Variants in KRT8 observed in about 807,000 individuals in gnomAD.
The protein encoded by KRT8 is keratin 8.
KRT8 carries 24 observed loss-of-function variants against 43.0 expected under a neutral mutation model. That is an observed-to-expected ratio of 0.56 (90% CI 0.40 to 0.78). The LOEUF is 0.78. KRT8 is among the 30% of genes least tolerant of loss of function. KRT8 has a pLI of 0.00. For missense variants in KRT8, 492 were observed against 638.4 expected (o/e 0.77, Z 2.47); for synonymous variants, 214 against 261.2 (o/e 0.82, Z 1.74).
chr12:52,918,128 AAGG>A (rs1237849287), intron 2 of KRT8, among the ~76,000 whole-genome samples: 1 of 142,586 alleles, frequency 7.0e-6, no homozygotes, highest in Non-Finnish European at 1.5e-5. Flanking sequence ...GAGGAAGAAG[AAGG>A]AGGGGGAGAG....
chr12:52,923,032 G>C (rs991917780), intron 2 of KRT8, among the ~76,000 whole-genome samples: 31 of 152,246 alleles, frequency 2.0e-4, no homozygotes, highest in Admixed American at 1.8e-3. Flanking sequence ...CTGAGTGAGG[G>C]TTCCGTAGCC....
chr12:52,914,210 G>A (rs758490254), intron 2 of KRT8, among the ~76,000 whole-genome samples: 15 of 148,252 alleles, frequency 1.0e-4, no homozygotes, highest in East Asian at 4.1e-4. Context: ...GCGACAGAGC[G>A]AGACTCTGTC....
intron 2 of KRT8, chr12:52,947,858 A>G (rs1243421252): frequency 1.3e-5 from 2 of 151,776 alleles, no homozygotes; most frequent in South Asian, 2.1e-4. Flanking sequence ...GCGATGTGGG[A>G]CACATTATCA....
chr12:52,937,189 C>T lies in KRT8; in HGVS notation c.-47+12267G>A, dbSNP rs147883485. Reference sequence around the variant, plus strand: ...AGTTTGAGACCAACCTGGGCAACACCGTGAAACCCTGTCTCTACTGAAATA... The same window carrying T: ...AGTTTGAGACCAACCTGGGCAACACTGTGAAACCCTGTCTCTACTGAAATA... On this transcript the variant is annotated intron_variant, in intron 2 of 6. Coordinates refer to the KRT8 transcript ENST00000546826. Among the ~76,000 whole-genome samples the T allele has an allele frequency of 4.6e-3, 663 of 143,056 alleles. 2 individuals are homozygous for T. The highest frequency in any genetic ancestry group is 0.013 in the Middle Eastern group (3 of 226). 93.9% of individuals were successfully genotyped at this position (143,056 alleles called of 152,430 possible). A position where few individuals can be genotyped will look rare whatever the true frequency, so the allele number is the denominator to read the frequency against.
chr12:52,928,571 C>T (rs1259781483), intron 2 of KRT8, among the ~76,000 whole-genome samples: 1 of 152,126 alleles, frequency 6.6e-6, no homozygotes, highest in Non-Finnish European at 1.5e-5. Flanking sequence ...TTATTCCCCT[C>T]TACTTGTAGT....
chr12:52,918,248 A>AAGAAGG (rs1565725899), intron 2 of KRT8, among the ~76,000 whole-genome samples: 7 of 151,738 alleles, frequency 4.6e-5, no homozygotes, highest in African/African-American at 1.5e-4. Context: ...GAAGAAGAAG[A>AAGAAGG]AGAAGAAGAA....
chr12:52,945,279 G>A (rs967939135), intron 2 of KRT8, among the ~76,000 whole-genome samples: 1 of 152,082 alleles, frequency 6.6e-6, no homozygotes, highest in African/African-American at 2.4e-5. Context: ...GAGCCCAGGG[G>A]AGCCTCCCAG....
intron 2 of KRT8, among the ~76,000 whole-genome samples, chr12:52,939,084 C>G (rs1328782242): frequency 6.6e-6 from 1 of 151,206 alleles, no homozygotes; most frequent in African/African-American, 2.4e-5. Flanking sequence ...GACCCTGTAT[C>G]TTAAAAAAAA....
intron 1 of KRT8, 87 bp downstream of exon 1, chr12:52,904,571 G>A (rs993706365): frequency 2.3e-6 from 3 of 1,294,818 alleles, no homozygotes; most frequent in African/African-American, 2.9e-5. Flanking sequence ...CAGGACGCCA[G>A]CTGGGGGCTG....
At chr12:52,931,693 G>A (rs1180029848) in intron 2 of KRT8, among the ~76,000 whole-genome samples, 3 of 147,150 alleles carry the variant, frequency 2.0e-5, no homozygotes, top group East Asian at 2.0e-4. Flanking sequence ...ACGGAGTTTC[G>A]CTCTTGTTGC....
chr12:52,930,488 T>C (rs945126113), intron 2 of KRT8, among the ~76,000 whole-genome samples: 3 of 152,240 alleles, frequency 2.0e-5, no homozygotes, highest in Non-Finnish European at 4.4e-5. Context: ...CCCAAAGTGC[T>C]GGCATTACAG....
intron 2 of KRT8, among the ~76,000 whole-genome samples, chr12:52,929,744 A>G (rs1942054562): frequency 1.3e-5 from 2 of 152,188 alleles, no homozygotes; most frequent in South Asian, 4.1e-4. Context: ...CACAGAGGCC[A>G]GATTAAGAGC....
intron 2 of KRT8, among the ~76,000 whole-genome samples, chr12:52,927,756 C>T (rs1942017940): frequency 6.6e-6 from 1 of 152,216 alleles, no homozygotes; most frequent in South Asian, 2.1e-4. Context: ...GTCTTCTCAA[C>T]TGCAACCAGA....
chr12:52,915,709 C>T (rs191947488), intron 2 of KRT8, among the ~76,000 whole-genome samples: 4 of 150,896 alleles, frequency 2.7e-5, no homozygotes, highest in Non-Finnish European at 4.4e-5. Context: ...AGCAAGACTC[C>T]GTCTCAAAAA....
intron 2 of KRT8, among the ~76,000 whole-genome samples, chr12:52,940,623 G>A (rs887941671): frequency 5.4e-5 from 7 of 129,978 alleles, no homozygotes; most frequent in African/African-American, 1.9e-4. Context: ...AGAACACAGT[G>A]GATTTTTTTT....
In KRT8 at chr12:52,918,155, GGGA is replaced by G. The variant is rs1174162038; in HGVS notation, c.-46-13131_-46-13129del. Among the ~76,000 whole-genome samples the G allele has an allele frequency of 7.9e-5, 6 of 76,262 alleles. No individual in the cohort carries two copies. The East Asian group carries it at 2.3e-3, about 29-fold the overall frequency. 50.0% of individuals were successfully genotyped at this position (76,262 alleles called of 152,430 possible). A position where few individuals can be genotyped will look rare whatever the true frequency, so the allele number is the denominator to read the frequency against. Reference sequence around the variant, plus strand: ...GGAGGGGGAGAGGGAGAGGGAGAAGGGGAAGAAGAAGAAGAAGAGGAAGAGGAA... The same window carrying G: ...GGAGGGGGAGAGGGAGAGGGAGAAGGAGAAGAAGAAGAAGAGGAAGAGGAA... On this transcript the variant is annotated intron_variant, in intron 2 of 6. Coordinates refer to the KRT8 transcript ENST00000546826.
chr12:52,936,608 G>T (rs1340906557), intron 2 of KRT8, among the ~76,000 whole-genome samples: 1 of 152,164 alleles, frequency 6.6e-6, no homozygotes, highest in Non-Finnish European at 1.5e-5. Flanking sequence ...TGCCTCCCAG[G>T]TTCAAGCGAT....
intron 2 of KRT8, among the ~76,000 whole-genome samples, chr12:52,915,002 T>C (rs1941707012): frequency 6.6e-6 from 1 of 152,120 alleles, no homozygotes; most frequent in Non-Finnish European, 1.5e-5. Context: ...TACTATCATG[T>C]TGACTAGACT....
intron 1 of KRT8, chr12:52,903,723 G>T (rs1941434018): frequency 6.6e-6 from 1 of 152,378 alleles, no homozygotes; most frequent in South Asian, 2.1e-4. Context: ...AGGGGCGTTG[G>T]TGGGCGACCG....
Sources: allele counts gnomAD v4.1 joint callset (sites outside exome capture counted in the v4.1 genomes callset), GRCh38; gene constraint gnomAD v4.1.1; transcripts MANE v1.5; gene names NCBI Gene and HGNC (gene_info 2026-07-23, HGNC 2026-07-21).